PLB1: variants seen among roughly 807,000 people sequenced by gnomAD.
The protein encoded by PLB1 is phospholipase B1, membrane-associated.
A neutral mutation model predicts 227.4 loss-of-function variants in PLB1; 242 were observed. The observed-to-expected ratio is 1.06, with a 90% CI of 0.96 to 1.18. PLB1 has a LOEUF of 1.18. Among genes scored for constraint, PLB1 ranks in the 50% most tolerant of loss-of-function variants. The pLI, the probability that PLB1 is intolerant of heterozygous loss-of-function variation, is 0.00. For missense variants in PLB1, 1,858 were observed against 1,816.3 expected (o/e 1.02, Z -0.42); for synonymous variants, 757 against 682.2 (o/e 1.11, Z -1.71).
chr2:28,520,428 T>C (rs1669364382), intron 4 of PLB1, among the ~76,000 whole-genome samples: 1 of 152,200 alleles, frequency 6.6e-6, no homozygotes, highest in Non-Finnish European at 1.5e-5. Flanking sequence ...CACCGATCTT[T>C]GTAAATAACT....
At chr2:28,566,991 C>T in intron 20 of PLB1, 152 bp downstream of exon 20, 1 of 866,558 alleles carries the variant, frequency 1.2e-6, no homozygotes, top group Admixed American at 2.2e-5. Context: ...GACTGCCGCC[C>T]AGCTCCGCTT....
intron 23 of PLB1, among the ~76,000 whole-genome samples, chr2:28,580,259 C>G (rs138140850): frequency 6.6e-6 from 1 of 152,238 alleles, no homozygotes; most frequent in East Asian, 1.9e-4. Flanking sequence ...CTCCCACCCA[C>G]GCCTATGCCA....
chr2:28,529,676 T>G, intron 7 of PLB1, 52 bp from the exon 8 acceptor site: 1 of 1,569,320 alleles, frequency 6.4e-7, no homozygotes, highest in South Asian at 1.1e-5. Context: ...CTTCCAGCCC[T>G]TAACAAAATA....
At chr2:28,582,635 C>A in intron 25 of PLB1, 130 bp downstream of exon 25, 1 of 698,506 alleles carries the variant, frequency 1.4e-6, no homozygotes, top group Non-Finnish European at 2.4e-6. Flanking sequence ...ATCTTCTAAC[C>A]TGGAAAAGCC....
rs545565454 is a variant in PLB1 at position 28,539,164 on chromosome 2, C to T, written c.684C>T (p.His228=). The T allele has an allele frequency of 1.4e-3, 2,204 of 1,613,540 alleles. 42 individuals carry two copies. The South Asian group carries it at 0.023, about 17-fold the overall frequency. ...TTGCAGAGGTCTCTCGTCAGTATCA[C>T]GGCACTTGGCTCAGGTAAAAGGGGA... ...SEVAEVSRQY[H]GTWLSPAPEP... Residue 228 remains histidine (H), a synonymous_variant, in exon 11 of 58, where the codon CAC becomes CAT. Transcript: ENST00000327757.
At chr2:28,610,028 G>T (rs953226979) in intron 43 of PLB1, among the ~76,000 whole-genome samples, 20 of 152,114 alleles carry the variant, frequency 1.3e-4, no homozygotes, top group Non-Finnish European at 2.4e-4. Flanking sequence ...TAGAATAATG[G>T]AATTCTTCTA....
At position 28,614,099 on chromosome 2, in the gene PLB1, A is replaced by G; in HGVS notation, c.3195+3A>G. 1 of 1,609,642 alleles carries G rather than the reference A, an allele frequency of 6.2e-7. No individual in the cohort carries two copies. The highest frequency in any genetic ancestry group is 8.5e-7 in the Non-Finnish European group (1 of 1,175,986). ...ACCCCATCAAGCCAGCCATTGAGGT[A>G]ACCCCTGACTCACATCTGCCTCTCT... On this transcript the variant is annotated splice_donor_region_variant and intron_variant, in intron 44 of 57. Coordinates refer to ENST00000327757, the MANE Select transcript of PLB1 (RefSeq NM_153021.5).
chr2:28,579,527 G>A, intron 22 of PLB1, 100 bp from the exon 23 acceptor site: 1 of 867,862 alleles, frequency 1.2e-6, no homozygotes. Context: ...AGACACTCTG[G>A]TGTGTGAGGA....
chr2:28,642,750 C>T (rs1445368074), intron 57 of PLB1, 108 bp from the exon 58 acceptor site: 28 of 967,238 alleles, frequency 2.9e-5, no homozygotes, highest in East Asian at 2.4e-4. Context: ...TCTGTGAAAA[C>T]GTGCAGGGTT....
intron 1 of PLB1, among the ~76,000 whole-genome samples, chr2:28,503,874 C>T (rs1468293630): frequency 5.3e-5 from 8 of 152,146 alleles, no homozygotes; most frequent in Admixed American, 3.9e-4. Flanking sequence ...AGGAAATAGA[C>T]GTTGCCTCTT....
At chr2:28,569,763 G>A (rs961201336) in intron 20 of PLB1, among the ~76,000 whole-genome samples, 1 of 151,750 alleles carries the variant, frequency 6.6e-6, no homozygotes, top group African/African-American at 2.4e-5. Context: ...CCAGGAGATC[G>A]AGACCATCCT....
chr2:28,597,233 C>T (rs1683102076), intron 33 of PLB1, among the ~76,000 whole-genome samples: 1 of 144,118 alleles, frequency 6.9e-6, no homozygotes, highest in Non-Finnish European at 1.5e-5. Context: ...CACTGCACTC[C>T]AGCCTGGGCG....
intron 56 of PLB1, chr2:28,633,297 A>T (rs1476147732): frequency 2.2e-6 from 1 of 463,916 alleles, no homozygotes; most frequent in African/African-American, 2.0e-5. Context: ...AGGTACTGCG[A>T]GGGGATCCCT....
At chr2:28,530,137 G>A (rs978458000) in intron 8 of PLB1, among the ~76,000 whole-genome samples, 28 of 152,278 alleles carry the variant, frequency 1.8e-4, no homozygotes, top group African/African-American at 6.0e-4. Context: ...GAAATTACAG[G>A]ACGAGTGATA....
At position 28,552,134 on chromosome 2, in the gene PLB1, T is replaced by C. The variant is rs1388704204; in HGVS notation, c.1084-794T>C. 2.0e-5 allele frequency among the ~76,000 whole-genome samples: 3 copies of C among 152,214 alleles called. No homozygotes were observed. The East Asian group carries it at 5.8e-4, about 29-fold the overall frequency. On this transcript the variant is annotated intron_variant, in intron 16 of 57. Transcript: ENST00000327757. ...ATAATAGGTACTGTAATGCATGTTT[T>C]CATGGGGTATTCTGGGAACACAGAG...
chr2:28,578,031 T>G (rs1008634838), intron 21 of PLB1, 76 bp from the exon 22 acceptor site: 31 of 1,436,794 alleles, frequency 2.2e-5, no homozygotes, highest in Non-Finnish European at 3.0e-5. Flanking sequence ...ACCATACATT[T>G]GATTGCTGTT....
intron 36 of PLB1, 97 bp from the exon 37 acceptor site, chr2:28,601,155 G>A: frequency 1.9e-6 from 2 of 1,032,592 alleles, no homozygotes; most frequent in Non-Finnish European, 3.0e-6. Flanking sequence ...ATTTCAAGTG[G>A]GCAAGGATGT....
intron 20 of PLB1, among the ~76,000 whole-genome samples, chr2:28,570,511 C>T (rs188582479): frequency 1.5e-4 from 14 of 93,212 alleles, no homozygotes; most frequent in Non-Finnish European, 2.8e-4. Flanking sequence ...AAAGGCCGGG[C>T]GCAGTGGCTC....
intron 33 of PLB1, among the ~76,000 whole-genome samples, chr2:28,597,329 C>T (rs999915905): frequency 6.7e-6 from 1 of 149,980 alleles, no homozygotes; most frequent in Non-Finnish European, 1.5e-5. Flanking sequence ...AAAAGAGACA[C>T]AGAAGAAAAA....
Sources: gnomAD v4.1 joint callset for allele counts (sites outside exome capture counted in the v4.1 genomes callset) on GRCh38, gnomAD v4.1.1 for gene constraint, MANE v1.5 for transcripts, NCBI Gene and HGNC (gene_info 2026-07-23, HGNC 2026-07-21) for gene names.